Variants in L3MBTL1 observed in about 807,000 individuals in gnomAD.
The protein encoded by L3MBTL1 is L3MBTL histone methyl-lysine binding protein 1.
In L3MBTL1, 75 loss-of-function variants were observed where a neutral mutation model predicts 105.3. The observed-to-expected ratio is 0.71, with a 90% confidence interval of 0.59 to 0.86. The LOEUF (loss-of-function observed/expected upper bound fraction) is 0.86, where lower values mean the gene tolerates loss of function less well. Among genes scored for constraint, L3MBTL1 ranks in the 40% least tolerant of loss-of-function variants. The probability of loss-of-function intolerance (pLI) is 0.00; values close to 1 mark genes in which losing one functional copy is unlikely to be tolerated. For synonymous variants in L3MBTL1, 452 were observed against 436.2 expected (o/e 1.04, Z -0.45); for missense variants, 1,069 against 1,126.4 (o/e 0.95, Z 0.73).
intron 8 of L3MBTL1, 33 bp from the exon 9 acceptor site, chr20:43,529,231 A>G: frequency 6.5e-7 from 1 of 1,534,532 alleles, no homozygotes; most frequent in African/African-American, 1.4e-5. Context: ...GGCTGGATGG[A>G]AGCTGGGTCC....
intron 7 of L3MBTL1, among the ~76,000 whole-genome samples, 156 bp from the exon 8 acceptor site, chr20:43,528,501 G>T (rs1029837680): frequency 6.6e-6 from 1 of 152,208 alleles, no homozygotes; most frequent in Non-Finnish European, 1.5e-5. Context: ...TCAGCCCCGT[G>T]TCTGGCACCA....
In L3MBTL1 at chr20:43,533,412, C is replaced by T; in HGVS notation, c.1507C>T (p.Pro503Ser). 6.2e-7 allele frequency: 1 copy of T among 1,613,076 alleles called. No individual in the cohort carries two copies. The highest frequency in any genetic ancestry group is 8.5e-7 in the Non-Finnish European group (1 of 1,179,542). The part of the protein sequence containing the change: ...CQKQGKPLTP[P>S]QDYPDPDNFC... ...GAAGCAAGGAAAGCCCCTCACCCCT[C>T]CACAAGGTGACCCTGCAGCCTGAGC... The change falls in exon 13 of 22, where the codon CCA (proline) becomes TCA (serine). Residue 503 changes from proline to serine, a missense_variant. Physicochemically the swap from Pro to Ser is moderately conservative, Grantham distance 74. Transcript: ENST00000418998.
In L3MBTL1 at chr20:43,510,529, C is replaced by T. The variant is rs578067748; in HGVS notation, c.-29+2785C>T. ...AAGCAATTCTCCTGCCTCAGCCTCC[C>T]AAATAGCTGGGATTACAGGCGCCTG... is the stretch of plus-strand genomic sequence containing the variant. On this transcript the variant is annotated intron_variant, in intron 1 of 21. Transcript: ENST00000418998. Among the ~76,000 whole-genome samples the T allele has an allele frequency of 9.4e-5, 14 of 149,310 alleles. No homozygotes were observed. The South Asian group carries it at 3.0e-3, about 32-fold the overall frequency.
In L3MBTL1 at chr20:43,536,193, C is replaced by T. The variant is rs2019603920; in HGVS notation, c.2022C>T (p.Asn674=). 6.2e-7 allele frequency: 1 copy of T among 1,613,334 alleles called. No individual in the cohort carries two copies. Among genetic ancestry groups the T allele is most frequent in the African/African-American group, 1.3e-5 (1 of 75,070 alleles). ...CLSGCPLAER[N]QSRLKAELSD... The stretch of plus-strand genomic sequence containing the variant: ...CAGGCTGCCCACTGGCTGAGAGGAA[C>T]CAGAGCCGGCTGAAAGCGGAGCTGT... Residue 674 remains asparagine (N), a synonymous_variant, in exon 18 of 22, where the codon AAC becomes AAT. Coordinates refer to ENST00000418998, the MANE Select transcript of L3MBTL1 (RefSeq NM_001377303.1).
At chr20:43,550,404 A>G (rs920396908) in exon 19 of L3MBTL1, 3 of 152,210 alleles carry the variant, frequency 2.0e-5, no homozygotes, top group Non-Finnish European at 4.4e-5. Flanking sequence ...CAGGCTTCTG[A>G]ACTTTGAGGC....
chr20:43,520,860 T>TTTA (rs1447415758), intron 7 of L3MBTL1, among the ~76,000 whole-genome samples: 2 of 152,268 alleles, frequency 1.3e-5, no homozygotes, highest in African/African-American at 2.4e-5. Context: ...AAAGCAGCAC[T>TTTA]TACTTAACTG....
intron 7 of L3MBTL1, among the ~76,000 whole-genome samples, chr20:43,518,017 A>G (rs6103362): frequency 0.39 from 58,760 of 152,094 alleles, 11,883 homozygotes; most frequent in African/African-American, 0.51. Context: ...GGGCTCAACT[A>G]CTGTATCTTA....
intron 19 of L3MBTL1, among the ~76,000 whole-genome samples, chr20:43,538,591 C>G (rs1053570848): frequency 3.9e-5 from 6 of 152,148 alleles, no homozygotes; most frequent in Non-Finnish European, 8.8e-5. Flanking sequence ...ATAGGAAGAT[C>G]TGCCCGGAGA....
At chr20:43,535,400 G>A (rs536136721) in intron 16 of L3MBTL1, among the ~76,000 whole-genome samples, 9 of 152,286 alleles carry the variant, frequency 5.9e-5, no homozygotes, top group South Asian at 2.1e-4. Flanking sequence ...TGCTGCAACC[G>A]TGTTTGTCTC....
At chr20:43,547,102 C>CTTTTTTTTTTTTTTTTTTTTT (rs11478523) in intron 18 of L3MBTL1, among the ~76,000 whole-genome samples, 1 of 122,646 alleles carries the variant, frequency 8.2e-6, no homozygotes, top group Non-Finnish European at 1.7e-5. Flanking sequence ...TTTTTAATGA[C>CTTTTTTTTTTTTTTTTTTTTT]TTTTTTTTTT....
chr20:43,532,418 C>A, intron 11 of L3MBTL1: 1 of 217,524 alleles, frequency 4.6e-6, no homozygotes, highest in Non-Finnish European at 9.1e-6. Flanking sequence ...CCAGCCACCC[C>A]ACTGTTGCCA....
chr20:43,529,464 C>A, intron 9 of L3MBTL1, 96 bp downstream of exon 9: 2 of 825,722 alleles, frequency 2.4e-6, no homozygotes, highest in Non-Finnish European at 4.1e-6. Flanking sequence ...TCCCTCCCCT[C>A]AGAGCACACA....
intron 7 of L3MBTL1, among the ~76,000 whole-genome samples, chr20:43,522,138 C>T (rs544836195): frequency 1.3e-5 from 2 of 152,196 alleles, no homozygotes; most frequent in Admixed American, 6.5e-5. Flanking sequence ...GGGTGGATCA[C>T]GAGGTCAGGA....
downstream of L3MBTL1, among the ~76,000 whole-genome samples, chr20:43,545,182 A>G (rs1465873078): frequency 6.6e-6 from 1 of 151,940 alleles, no homozygotes; most frequent in East Asian, 1.9e-4. Flanking sequence ...CCTGGCCAAC[A>G]TGGTGAAACC....
chr20:43,541,896 G>C, downstream of L3MBTL1: 3 of 985,416 alleles, frequency 3.0e-6, no homozygotes, highest in Non-Finnish European at 3.6e-6. Context: ...TTGACTTTTA[G>C]TGCATAGTTG....
rs55753081 is a variant in L3MBTL1, at chr20:43,533,525, G to A, written c.1513+107G>A. On this transcript the variant is annotated intron_variant, in intron 13 of 21. Transcript: ENST00000418998. ...CAGTAGCTGGCTCTCTAGGGTCAGG[G>A]TGAGAGAACAGACATGTCCTGAAGC... 9.0e-3 allele frequency: 8,266 copies of A among 917,914 alleles called. 51 individuals carry two copies. The highest frequency in any genetic ancestry group is 0.011 in the Non-Finnish European group (6,826 of 603,714). The allele number at this position is 917,914 out of a possible 1,614,324, so 56.9% of individuals were successfully genotyped here. A position where few individuals can be genotyped will look rare whatever the true frequency, so the allele number is the denominator to read the frequency against.
exon 19 of L3MBTL1, chr20:43,548,345 T>C (rs1978768572): frequency 9.4e-7 from 1 of 1,066,522 alleles, no homozygotes; most frequent in African/African-American, 1.6e-5. Flanking sequence ...CACGTCCCCA[T>C]GCTCCACCTA....
intron 20 of L3MBTL1, 80 bp downstream of exon 20, chr20:43,540,388 C>A: frequency 1.3e-6 from 2 of 1,513,068 alleles, no homozygotes; most frequent in African/African-American, 1.4e-5. Flanking sequence ...AGGCCCAGGT[C>A]AGGTAGAACC....
At position 43,541,446 on chromosome 20, in the gene L3MBTL1, C is replaced by T. The variant is rs1036334547; in HGVS notation, c.*318C>T. 3.2e-6 allele frequency: 1 copy of T among 310,472 alleles called. No individual in the cohort carries two copies. 19.2% of individuals were successfully genotyped at this position (310,472 alleles called of 1,614,324 possible). A position where few individuals can be genotyped will look rare whatever the true frequency, so the allele number is the denominator to read the frequency against. ...AAATGATGAATGAATCATACCAGAA[C>T]GTCTAGTATAATTACAGTCATGCAT... On this transcript the variant is annotated 3_prime_UTR_variant, in exon 22 of 22. Transcript: ENST00000418998.
Sources: gnomAD v4.1 joint callset for allele counts (sites outside exome capture counted in the v4.1 genomes callset) on GRCh38, gnomAD v4.1.1 for gene constraint, MANE v1.5 for transcripts, NCBI Gene and HGNC (gene_info 2026-07-23, HGNC 2026-07-21) for gene names.